The following PCDH15 variants were observed in gnomAD, a reference collection of about 807,000 sequenced individuals.
PCDH15 encodes protocadherin related 15.
Under a neutral mutation model 178.5 loss-of-function variants are expected in PCDH15, and 129 were observed. The ratio of observed to expected loss-of-function variants is 0.72; its 90% CI spans 0.63 to 0.84. PCDH15 has a LOEUF of 0.84. PCDH15 is among the 40% of genes least tolerant of loss of function. The pLI is 0.00. For missense variants in PCDH15, 2,230 were observed against 2,099.9 expected, an observed-to-expected ratio of 1.06 and a Z score of -1.21; for synonymous variants, 800 against 732.0, an observed-to-expected ratio of 1.09 and a Z score of -1.50.
chr10:55,230,987 C>A (rs565970740), intron 1 of PCDH15, among the ~76,000 whole-genome samples: 3 of 151,620 alleles, frequency 2.0e-5, no homozygotes, highest in African/African-American at 7.3e-5. Flanking sequence ...TTACAAGACC[C>A]CCAAAAGAAA....
At chr10:55,202,179 G>A (rs1840270141) in intron 1 of PCDH15, among the ~76,000 whole-genome samples, 2 of 152,000 alleles carry the variant, frequency 1.3e-5, no homozygotes, top group African/African-American at 2.4e-5. Flanking sequence ...GATTACCAGG[G>A]GCTGCTGTGG....
At chr10:54,585,995 A>G (rs941992676) in intron 2 of PCDH15, among the ~76,000 whole-genome samples, 2 of 152,064 alleles carry the variant, frequency 1.3e-5, no homozygotes, top group African/African-American at 2.4e-5. Flanking sequence ...GGACAATAAA[A>G]TTAATAAAAT....
chr10:53,999,883 G>A (rs540172863), intron 20 of PCDH15, among the ~76,000 whole-genome samples: 78 of 152,244 alleles, frequency 5.1e-4, no homozygotes, highest in African/African-American at 1.8e-3. Context: ...GTTACAGCAG[G>A]TCTTGGACAA....
chr10:53,953,705 T>G (rs2087320350), intron 23 of PCDH15, among the ~76,000 whole-genome samples: 1 of 152,224 alleles, frequency 6.6e-6, no homozygotes, highest in African/African-American at 2.4e-5. Context: ...TAGGGTTGTC[T>G]TTGTAAAATT....
At chr10:55,307,832 T>C (rs1374579344) in intron 1 of PCDH15, among the ~76,000 whole-genome samples, 1 of 152,036 alleles carries the variant, frequency 6.6e-6, no homozygotes, top group Non-Finnish European at 1.5e-5. Flanking sequence ...TAATTATTTT[T>C]GATTTTATAA....
intron 14 of PCDH15, among the ~76,000 whole-genome samples, chr10:54,135,700 G>A (rs962942936): frequency 7.2e-5 from 11 of 152,144 alleles, no homozygotes; most frequent in African/African-American, 2.4e-4. Context: ...CATTCTCTAT[G>A]CATAACAAGT....
intron 23 of PCDH15, among the ~76,000 whole-genome samples, chr10:53,952,618 G>A (rs573559827): frequency 1.3e-5 from 2 of 152,310 alleles, no homozygotes; most frequent in Admixed American, 6.5e-5. Flanking sequence ...CCAGCCTTCA[G>A]GCAATCCTTG....
intron 2 of PCDH15, among the ~76,000 whole-genome samples, chr10:55,065,608 C>T (rs909397424): frequency 2.2e-4 from 33 of 151,994 alleles, no homozygotes; most frequent in African/African-American, 7.0e-4. Context: ...GTTTCCTTAC[C>T]AATGCCCTTC....
At chr10:54,206,755 A>C (rs1006385189) in intron 10 of PCDH15, among the ~76,000 whole-genome samples, 3 of 152,108 alleles carry the variant, frequency 2.0e-5, no homozygotes, top group African/African-American at 7.2e-5. Flanking sequence ...AAAATAACAA[A>C]GAGTTTTAGC....
intron 1 of PCDH15, among the ~76,000 whole-genome samples, chr10:54,705,543 ACTT>A (rs2095356941): frequency 6.6e-6 from 1 of 152,134 alleles, no homozygotes; most frequent in South Asian, 2.1e-4. Flanking sequence ...CATAGGTTGT[ACTT>A]CTTGATCTAT....
chr10:54,752,370 T>G (rs918032738), intron 1 of PCDH15, among the ~76,000 whole-genome samples: 3 of 150,796 alleles, frequency 2.0e-5, no homozygotes, highest in African/African-American at 7.3e-5. Flanking sequence ...CCAGCTACTC[T>G]GGAGGCTGAG....
intron 2 of PCDH15, among the ~76,000 whole-genome samples, chr10:54,982,652 C>T (rs1483573292): frequency 1.3e-5 from 2 of 152,050 alleles, no homozygotes; most frequent in Admixed American, 6.6e-5. Context: ...AAGAGTCCAA[C>T]AATATGGTTG....
chr10:54,030,259 A>G (rs968197417), intron 18 of PCDH15, among the ~76,000 whole-genome samples: 1 of 152,032 alleles, frequency 6.6e-6, no homozygotes, highest in Non-Finnish European at 1.5e-5. Context: ...AGTGGGAACC[A>G]TAAAAGCTGT....
chr10:54,547,276 G>A (rs1241682868), intron 2 of PCDH15, among the ~76,000 whole-genome samples: 1 of 152,116 alleles, frequency 6.6e-6, no homozygotes, highest in South Asian at 2.1e-4. Flanking sequence ...TAGCAAGCTG[G>A]CTTGCTATCC....
rs190282997 is a variant in PCDH15 at position 55,572,225 on chromosome 10, T to A, written c.-156+55400A>T. On this transcript the variant is annotated intron_variant, in intron 2 of 5. Transcript: ENST00000613346. ...TTTTTGGATACAGGTACCCCAGAAT[T>A]ATTTAAAGTAATATTCATAAAAGGA... Among the ~76,000 whole-genome samples the A allele has an allele frequency of 2.1e-3, 320 of 151,890 alleles. 1 individual carries two copies. The highest frequency in any genetic ancestry group is 7.2e-3 in the African/African-American group (298 of 41,508).
chr10:54,061,011 C>T (rs1470989743), intron 18 of PCDH15, among the ~76,000 whole-genome samples: 1 of 152,034 alleles, frequency 6.6e-6, no homozygotes, highest in Non-Finnish European at 1.5e-5. Context: ...TGGACCTTCA[C>T]AGAAGTTATA....
intron 2 of PCDH15, among the ~76,000 whole-genome samples, chr10:54,544,412 G>T (rs1193558129): frequency 6.6e-6 from 1 of 152,048 alleles, no homozygotes; most frequent in East Asian, 1.9e-4. Context: ...TGAAGTTTTT[G>T]ATAGTTTGTT....
chr10:55,496,053 G>A (rs898399228), intron 2 of PCDH15, among the ~76,000 whole-genome samples: 8 of 151,836 alleles, frequency 5.3e-5, no homozygotes, highest in Admixed American at 1.3e-4. Context: ...GGCTGCAAAT[G>A]GGCTGAATAT....
rs978352947 is a variant in PCDH15 at position 54,183,688 on chromosome 10, A to G, written c.1441-95T>C. 11 of 1,447,866 alleles carry G rather than the reference A, an allele frequency of 7.6e-6. No homozygotes were observed. The African/African-American group carries it at 1.4e-4, about 18-fold the overall frequency. 89.7% of individuals were successfully genotyped at this position (1,447,866 alleles called of 1,614,324 possible). ...CAGTTTAACAAGTTTCTTACAGGTA[A>G]TCTTACAATTTGAAAGGGTGCAAAA... is the stretch of plus-strand genomic sequence containing the variant. On this transcript the variant is annotated intron_variant, in intron 12 of 37. Coordinates refer to ENST00000644397, the MANE Select transcript of PCDH15 (RefSeq NM_001384140.1).
Sources: allele counts gnomAD v4.1 joint callset (sites outside exome capture counted in the v4.1 genomes callset), GRCh38; gene constraint gnomAD v4.1.1; transcripts MANE v1.5; gene names NCBI Gene and HGNC (gene_info 2026-07-23, HGNC 2026-07-21).